Variants in DSCAM observed in about 807,000 individuals in gnomAD.
The protein encoded by DSCAM is cell adhesion molecule DSCAM.
Under a neutral mutation model 217.7 loss-of-function variants are expected in DSCAM, and 47 were observed. The ratio of observed to expected loss-of-function variants is 0.22; its 90% confidence interval spans 0.17 to 0.28. DSCAM has a LOEUF of 0.28. Ranked by LOEUF, DSCAM falls within the 10% of genes least tolerant of loss-of-function variation. The pLI, the probability that DSCAM is intolerant of heterozygous loss-of-function variation, is 1.00. For synonymous variants in DSCAM, 1,056 were observed against 1,015.3 expected (o/e 1.04, Z -0.76); for missense variants, 2,080 against 2,618.3 (o/e 0.79, Z 4.49).
intron 8 of DSCAM, among the ~76,000 whole-genome samples, chr21:40,329,305 G>T (rs1377520626): frequency 3.9e-5 from 6 of 152,042 alleles, no homozygotes; most frequent in African/African-American, 1.2e-4. Flanking sequence ...AAAATATATG[G>T]TATACATACA....
chr21:40,817,703 A>G (rs2091891851), intron 1 of DSCAM, among the ~76,000 whole-genome samples: 1 of 152,226 alleles, frequency 6.6e-6, no homozygotes, highest in African/African-American at 2.4e-5. Context: ...CAAAAATGCC[A>G]TTTAGGGACT....
intron 3 of DSCAM, among the ~76,000 whole-genome samples, chr21:40,495,932 A>G (rs1157255206): frequency 6.6e-6 from 1 of 152,192 alleles, no homozygotes; most frequent in Non-Finnish European, 1.5e-5. Context: ...CATTTTTTAC[A>G]GCTGCCAAAA....
intron 3 of DSCAM, among the ~76,000 whole-genome samples, chr21:40,655,101 G>T (rs745797620): frequency 3.3e-5 from 5 of 152,050 alleles, no homozygotes; most frequent in African/African-American, 4.8e-5. Flanking sequence ...CTGCTTTCTT[G>T]CAGTGCACAG....
chr21:40,184,947 C>T (rs963609307), intron 14 of DSCAM, among the ~76,000 whole-genome samples: 24 of 152,216 alleles, frequency 1.6e-4, no homozygotes, highest in African/African-American at 2.9e-4. Flanking sequence ...CTCCAGACAA[C>T]GAGGAAGGCG....
At chr21:40,813,954 G>A (rs149776983) in intron 1 of DSCAM, among the ~76,000 whole-genome samples, 6 of 151,972 alleles carry the variant, frequency 3.9e-5, no homozygotes, top group Non-Finnish European at 5.9e-5. Flanking sequence ...CAGTTTTGAC[G>A]GTTTCTTTTG....
At chr21:40,557,788 CTTAAT>C (rs151127746) in intron 3 of DSCAM, among the ~76,000 whole-genome samples, 1,675 of 152,290 alleles carry the variant, frequency 0.011, 30 homozygotes, top group African/African-American at 0.038. Flanking sequence ...AACACCTCTT[CTTAAT>C]TTGTCAGCCT....
At chr21:40,306,823 GTGC>G (rs373411403) in intron 9 of DSCAM, among the ~76,000 whole-genome samples, 12,413 of 151,502 alleles carry the variant, frequency 0.082, 509 homozygotes, top group Middle Eastern at 0.12. Context: ...GCTTTTTGAT[GTGC>G]TGCTGGATTC....
chr21:40,472,915 G>A (rs1437582391), intron 3 of DSCAM, among the ~76,000 whole-genome samples: 3 of 152,204 alleles, frequency 2.0e-5, no homozygotes, highest in Non-Finnish European at 4.4e-5. Flanking sequence ...TGGCCATGCT[G>A]ATGGTGCAAA....
Position 40,350,051 on chromosome 21 carries a change from T to C in DSCAM, c.935-2106A>G, listed in dbSNP as rs1009381008. Among the ~76,000 whole-genome samples the C allele has an allele frequency of 2.6e-5, 4 of 152,102 alleles. No homozygotes were observed. In the East Asian group the frequency reaches 7.7e-4, roughly 29 times the overall value. On this transcript the variant is annotated intron_variant, in intron 5 of 32. Coordinates refer to ENST00000400454, the MANE Select transcript of DSCAM (RefSeq NM_001389.5). ...CCATTCTGGTAATCTTCTCCTATTATTATTATTATTATTTATTTCACTTTA... is the reference window on the plus strand; with the variant it reads ...CCATTCTGGTAATCTTCTCCTATTACTATTATTATTATTTATTTCACTTTA...
chr21:40,084,328 T>C (rs1269014267), intron 23 of DSCAM, among the ~76,000 whole-genome samples: 1 of 152,174 alleles, frequency 6.6e-6, no homozygotes, highest in Non-Finnish European at 1.5e-5. Flanking sequence ...TTACTAAGGA[T>C]ACATGCCTCA....
Position 40,655,812 on chromosome 21 carries a change from G to A in DSCAM, c.508+36998C>T, listed in dbSNP as rs536075142. ...GTCATGCCTATAATCCTAGCACTTT[G>A]GGAGGCCAAGGTGAGGGGATCGCTT... On this transcript the variant is annotated intron_variant, in intron 3 of 32. Coordinates refer to ENST00000400454, the MANE Select transcript of DSCAM (RefSeq NM_001389.5). 2.5e-4 allele frequency among the ~76,000 whole-genome samples: 38 copies of A among 152,232 alleles called. No homozygotes were observed. The South Asian group carries it at 7.7e-3, about 31-fold the overall frequency.
intron 3 of DSCAM, among the ~76,000 whole-genome samples, chr21:40,418,625 T>C (rs2075394224): frequency 6.6e-6 from 1 of 152,186 alleles, no homozygotes; most frequent in Admixed American, 6.5e-5. Flanking sequence ...ATTAGTGTTT[T>C]AGAAAACATC....
chr21:40,373,467 GA>G (rs1335895293), intron 3 of DSCAM, among the ~76,000 whole-genome samples: 1 of 152,102 alleles, frequency 6.6e-6, no homozygotes, highest in Non-Finnish European at 1.5e-5. Flanking sequence ...AGAAGTTGAG[GA>G]AAAAGGATAG....
At chr21:40,641,265 T>C (rs1039803932) in intron 3 of DSCAM, among the ~76,000 whole-genome samples, 3 of 151,974 alleles carry the variant, frequency 2.0e-5, no homozygotes, top group Non-Finnish European at 2.9e-5. Context: ...GGGTGTGGTC[T>C]GGGTGGTGGA....
intron 16 of DSCAM, among the ~76,000 whole-genome samples, chr21:40,162,604 T>C (rs1370498147): frequency 6.6e-6 from 1 of 152,238 alleles, no homozygotes; most frequent in East Asian, 1.9e-4. Flanking sequence ...GCTGGAATTA[T>C]TGGGTATAGT....
At chr21:40,242,502 T>G (rs552009719) in intron 11 of DSCAM, among the ~76,000 whole-genome samples, 1 of 152,194 alleles carries the variant, frequency 6.6e-6, no homozygotes, top group African/African-American at 2.4e-5. Flanking sequence ...TGTGGTACCA[T>G]GTGTGTCTTC....
chr21:40,402,188 T>A (rs1488734883), intron 3 of DSCAM, among the ~76,000 whole-genome samples: 1 of 148,470 alleles, frequency 6.7e-6, no homozygotes, highest in Non-Finnish European at 1.5e-5. Context: ...GCCTCCCGAG[T>A]AGCTGGGACT....
At chr21:40,454,379 G>A (rs181784573) in intron 3 of DSCAM, among the ~76,000 whole-genome samples, 19 of 152,306 alleles carry the variant, frequency 1.2e-4, no homozygotes, top group Non-Finnish European at 2.2e-4. Flanking sequence ...TCAAAAGGAT[G>A]AAATGAAACC....
chr21:40,636,096 T>C (rs1210417174), intron 3 of DSCAM, among the ~76,000 whole-genome samples: 2 of 152,216 alleles, frequency 1.3e-5, no homozygotes, highest in Non-Finnish European at 2.9e-5. Context: ...AGATAGATTA[T>C]GCAAATGCTC....
Sources: gnomAD v4.1 joint callset for allele counts (sites outside exome capture counted in the v4.1 genomes callset) on GRCh38, gnomAD v4.1.1 for gene constraint, MANE v1.5 for transcripts, NCBI Gene and HGNC (gene_info 2026-07-23, HGNC 2026-07-21) for gene names.